The following UGGT2 variants were observed in gnomAD, a reference collection of about 807,000 sequenced individuals.
UGGT2 encodes the protein UDP-glucose glycoprotein glucosyltransferase 2, also known as UDP-glucose:glycoprotein glucosyltransferase 2.
UGGT2 carries 180 observed loss-of-function variants against 192.1 expected under a neutral mutation model. The ratio of observed to expected loss-of-function variants is 0.94; its 90% CI spans 0.83 to 1.06. UGGT2 has a LOEUF of 1.06. Among genes scored for constraint, UGGT2 ranks in the 50% least tolerant of loss-of-function variants. The pLI is 0.00. For missense variants in UGGT2, 1,849 were observed against 1,795.7 expected (o/e 1.03, Z -0.54); for synonymous variants, 580 against 591.0 (o/e 0.98, Z 0.27).
intron 12 of UGGT2, among the ~76,000 whole-genome samples, chr13:95,964,267 G>A (rs2050495520): frequency 6.6e-6 from 1 of 152,110 alleles, no homozygotes; most frequent in Admixed American, 6.6e-5. Context: ...ATATCGATAT[G>A]CAGAATAATG....
At chr13:96,023,856 A>G in intron 2 of UGGT2, 97 bp from the exon 3 acceptor site, 1 of 1,046,830 alleles carries the variant, frequency 9.6e-7, no homozygotes, top group South Asian at 2.4e-5. Context: ...TCATATAATC[A>G]TATCTGAAGT....
At chr13:95,905,935 A>G (rs538354528) in intron 20 of UGGT2, among the ~76,000 whole-genome samples, 13 of 152,312 alleles carry the variant, frequency 8.5e-5, no homozygotes, top group Non-Finnish European at 1.6e-4. Context: ...TTACTGTTCC[A>G]TAAAGCCAAC....
intron 25 of UGGT2, among the ~76,000 whole-genome samples, chr13:95,888,604 T>G (rs192172617): frequency 6.6e-5 from 10 of 152,120 alleles, no homozygotes; most frequent in Non-Finnish European, 1.5e-4. Context: ...AGACTAAGGA[T>G]TTAAGAGATT....
chr13:96,020,093 G>A (rs1022193746), intron 4 of UGGT2, among the ~76,000 whole-genome samples: 1 of 152,202 alleles, frequency 6.6e-6, no homozygotes, highest in South Asian at 2.1e-4. Context: ...CTAGGGCCCA[G>A]AAGCTGGGCT....
intron 36 of UGGT2, among the ~76,000 whole-genome samples, chr13:95,850,601 A>C (rs1180923116): frequency 1.3e-5 from 2 of 152,216 alleles, no homozygotes; most frequent in African/African-American, 4.8e-5. Flanking sequence ...GTACGGGCCC[A>C]ACAGCATGAG....
chr13:95,852,465 A>G (rs1705719707), intron 36 of UGGT2, among the ~76,000 whole-genome samples: 1 of 152,148 alleles, frequency 6.6e-6, no homozygotes, highest in Non-Finnish European at 1.5e-5. Flanking sequence ...ACTCTCTATC[A>G]TGCTTTCATG....
chr13:95,838,607 T>C (rs753149984), intron 36 of UGGT2, among the ~76,000 whole-genome samples: 5 of 152,118 alleles, frequency 3.3e-5, no homozygotes, highest in Non-Finnish European at 7.4e-5. Flanking sequence ...AATACATCAA[T>C]GGAACACAAT....
intron 4 of UGGT2, among the ~76,000 whole-genome samples, chr13:96,021,027 C>T (rs2052499510): frequency 6.6e-6 from 1 of 152,172 alleles, no homozygotes; most frequent in South Asian, 2.1e-4. Context: ...ATGGATCCTA[C>T]AGAGTTGGCA....
chr13:96,033,085 G>A (rs951922122), intron 1 of UGGT2, among the ~76,000 whole-genome samples: 3 of 152,174 alleles, frequency 2.0e-5, no homozygotes, highest in Admixed American at 6.5e-5. Flanking sequence ...CAGCTAACAA[G>A]GGAAGTGAAG....
At chr13:95,831,562 T>C (rs887377724) in intron 38 of UGGT2, among the ~76,000 whole-genome samples, 2 of 152,174 alleles carry the variant, frequency 1.3e-5, no homozygotes, top group African/African-American at 4.8e-5. Context: ...TTAAAAATAA[T>C]GCTATAATAA....
chr13:95,899,200 A>G (rs9561975), intron 22 of UGGT2, among the ~76,000 whole-genome samples: 58,774 of 152,100 alleles, frequency 0.39, 11,543 homozygotes, highest in Middle Eastern at 0.42. Context: ...GCAGCACGTC[A>G]GCCTTACATT....
At chr13:95,936,714 C>G (rs532406911) in intron 17 of UGGT2, among the ~76,000 whole-genome samples, 5 of 152,328 alleles carry the variant, frequency 3.3e-5, no homozygotes, top group South Asian at 4.1e-4. Context: ...TCTGCCTGGG[C>G]ATGGAGTATA....
intron 20 of UGGT2, among the ~76,000 whole-genome samples, chr13:95,921,700 G>C (rs1488441331): frequency 6.6e-6 from 1 of 151,998 alleles, no homozygotes; most frequent in Non-Finnish European, 1.5e-5. Context: ...CTACTCATCA[G>C]AGAGATGCAA....
Position 95,989,973 on chromosome 13 carries a change from C to A in UGGT2, c.931G>T (p.Asp311Tyr). 1 of 1,597,982 alleles carries A rather than the reference C, an allele frequency of 6.3e-7. No homozygotes were observed. Among genetic ancestry groups the A allele is most frequent in the Non-Finnish European group, 8.5e-7 (1 of 1,171,166 alleles). ...GTTAAAGTATCTCAAAATACTATAC[C>A]TTGTAGTTCCCAGACTTTCAAAGGC... ...MMPLKVWELQ[D>Y]LSFQAASQIM... The change falls in exon 8 of 39, where the codon GAT becomes TAT. Residue 311 changes from aspartate to tyrosine, a missense_variant and splice_region_variant. By Grantham distance (160) the Asp-to-Tyr change is radical. Coordinates refer to ENST00000376747, the MANE Select transcript of UGGT2 (RefSeq NM_020121.4).
Position 96,003,492 on chromosome 13 carries a change from C to T in UGGT2, c.661-4185G>A, listed in dbSNP as rs190079761. 2.0e-5 allele frequency among the ~76,000 whole-genome samples: 3 copies of T among 152,262 alleles called. No individual in the cohort carries two copies. In the East Asian group the frequency reaches 5.8e-4, roughly 29 times the overall value. On this transcript the variant is annotated intron_variant, in intron 5 of 38. Coordinates refer to ENST00000376747, the MANE Select transcript of UGGT2 (RefSeq NM_020121.4). The stretch of plus-strand genomic sequence containing the variant: ...AGGAAATTGAGTCTATTTTTCCATT[C>T]TTTTGAATCTGGCTGGCCTTGTGAC...
At chr13:95,948,773 AAAGAGT>A (rs1469555523) in intron 13 of UGGT2, among the ~76,000 whole-genome samples, 1 of 152,246 alleles carries the variant, frequency 6.6e-6, no homozygotes, top group Non-Finnish European at 1.5e-5. Flanking sequence ...CATAAGGGCT[AAAGAGT>A]AAGAGGCAGA....
In UGGT2 at chr13:95,995,938, A is replaced by ATG. The variant is rs1415259252; in HGVS notation, c.830+123_830+124dup. The ATG allele has an allele frequency of 1.8e-5, 14 of 775,442 alleles. No individual in the cohort carries two copies. In the Middle Eastern group the frequency reaches 1.0e-3, roughly 58 times the overall value. The allele number at this position is 775,442 out of a possible 1,614,324, so 48.0% of individuals were successfully genotyped here. A position where few individuals can be genotyped will look rare whatever the true frequency, so the allele number is the denominator to read the frequency against. On this transcript the variant is annotated intron_variant, in intron 7 of 38. Coordinates refer to ENST00000376747, the MANE Select transcript of UGGT2 (RefSeq NM_020121.4). ...TTCTGTAATAAATAAAAACAATCGTATGTGTGTGTGTTTGTACTTTCTACA... is the reference window on the plus strand; with the variant it reads ...TTCTGTAATAAATAAAAACAATCGTATGTGTGTGTGTGTTTGTACTTTCTACA...
At chr13:95,968,582 C>T (rs1233215695) in intron 12 of UGGT2, among the ~76,000 whole-genome samples, 3 of 152,042 alleles carry the variant, frequency 2.0e-5, no homozygotes, top group Non-Finnish European at 4.4e-5. Context: ...ACCTACCCTC[C>T]AACACTCTCT....
Position 96,023,758 on chromosome 13 carries a change from T to A in UGGT2, c.243A>T (p.Glu81Asp). 1 of 1,587,708 alleles carries A rather than the reference T, an allele frequency of 6.3e-7. No individual in the cohort carries two copies. Among genetic ancestry groups the A allele is most frequent in the Non-Finnish European group, 8.6e-7 (1 of 1,163,720 alleles). The change falls in exon 3 of 39, where the codon GAA (glutamate) becomes GAT (aspartate). Residue 81 changes from glutamate (E) to aspartate (D), a missense_variant and splice_region_variant. Physicochemically the swap from Glu to Asp is conservative, Grantham distance 45. Coordinates refer to ENST00000376747, the MANE Select transcript of UGGT2 (RefSeq NM_020121.4). ...VQELAIYKQT[E>D]SDYSYYNLIL... ...TTAAGTTGTAATAAGAATAATCTGA[T>A]TCTATAAAAAGAAGTCAAAAGAAAA...
Sources: gnomAD v4.1 joint callset for allele counts (sites outside exome capture counted in the v4.1 genomes callset) on GRCh38, gnomAD v4.1.1 for gene constraint, MANE v1.5 for transcripts, NCBI Gene and HGNC (gene_info 2026-07-23, HGNC 2026-07-21) for gene names.